KCMF1: variants seen among roughly 807,000 people sequenced by gnomAD.
KCMF1 encodes the protein potassium channel modulatory factor 1.
A neutral mutation model predicts 41.1 loss-of-function variants in KCMF1; 3 were observed. That is an observed-to-expected ratio of 0.07 (90% CI 0.03 to 0.19). KCMF1 has a LOEUF of 0.19. Ranked by LOEUF, KCMF1 falls within the 10% of genes least tolerant of loss-of-function variation. The pLI, the probability that KCMF1 is intolerant of heterozygous loss-of-function variation, is 1.00. For missense variants in KCMF1, 286 were observed against 488.9 expected (o/e 0.58, Z 3.91); for synonymous variants, 142 against 164.5 (o/e 0.86, Z 1.04).
chr2:85,041,761 CTTTT>C (rs76025789), intron 3 of KCMF1, among the ~76,000 whole-genome samples: 1 of 91,952 alleles, frequency 1.1e-5, no homozygotes, highest in Non-Finnish European at 2.3e-5. Context: ...CATTGCTGGT[CTTTT>C]TTTTTTTTTT....
At chr2:84,994,109 G>A (rs1328477409) in intron 1 of KCMF1, among the ~76,000 whole-genome samples, 5 of 151,620 alleles carry the variant, frequency 3.3e-5, no homozygotes, top group East Asian at 3.9e-4. Flanking sequence ...CACCATGCCC[G>A]GCTAATTTTT....
chr2:85,044,523 C>T (rs1373617720), intron 4 of KCMF1, among the ~76,000 whole-genome samples: 1 of 151,972 alleles, frequency 6.6e-6, no homozygotes, highest in Non-Finnish European at 1.5e-5. Flanking sequence ...TTACAGGTGC[C>T]CGCCACCACA....
chr2:85,037,059 C>T (rs2104044183), intron 3 of KCMF1, among the ~76,000 whole-genome samples: 1 of 137,426 alleles, frequency 7.3e-6, no homozygotes, highest in East Asian at 2.5e-4. Flanking sequence ...ATACCTGATA[C>T]ACAGTTTGAA....
At chr2:85,028,155 TA>T (rs1675158531) in intron 2 of KCMF1, 99 bp downstream of exon 2, 2 of 689,354 alleles carry the variant, frequency 2.9e-6, no homozygotes, top group African/African-American at 1.8e-5. Flanking sequence ...CAGCATACCA[TA>T]AGCCCCAAAT....
At chr2:85,003,655 T>C (rs1209264170) in intron 1 of KCMF1, among the ~76,000 whole-genome samples, 3 of 152,140 alleles carry the variant, frequency 2.0e-5, no homozygotes, top group South Asian at 4.1e-4. Context: ...GGTCTCCCGA[T>C]GTTACCCAGG....
At chr2:84,995,542 T>C (rs1674157994) in intron 1 of KCMF1, among the ~76,000 whole-genome samples, 1 of 152,226 alleles carries the variant, frequency 6.6e-6, no homozygotes, top group African/African-American at 2.4e-5. Flanking sequence ...TGTTCCTTTA[T>C]TGTCTGTCAC....
intron 1 of KCMF1, 94 bp from the exon 2 acceptor site, chr2:85,027,795 A>G: frequency 1.4e-6 from 1 of 715,460 alleles, no homozygotes; most frequent in Non-Finnish European, 2.3e-6. Context: ...TGGAAAGGAC[A>G]TATGAGGTTA....
intron 1 of KCMF1, among the ~76,000 whole-genome samples, chr2:84,982,430 TCTTA>T (rs1403469134): frequency 1.6e-5 from 2 of 127,702 alleles, no homozygotes; most frequent in African/African-American, 5.8e-5. Flanking sequence ...TTTGAGCCAG[TCTTA>T]CTTGTCGCCC....
chr2:85,037,122 G>C (rs1304072374), intron 3 of KCMF1, among the ~76,000 whole-genome samples: 1 of 151,720 alleles, frequency 6.6e-6, no homozygotes, highest in Admixed American at 6.6e-5. Flanking sequence ...CTTGTGAGTT[G>C]TGTTTATGCC....
In KCMF1 at chr2:85,053,143, C is replaced by A. The variant is rs1440463080; in HGVS notation, c.885-5C>A. 1 of 1,609,872 alleles carries A rather than the reference C, an allele frequency of 6.2e-7. No individual in the cohort carries two copies. The highest frequency in any genetic ancestry group is 8.5e-7 in the Non-Finnish European group (1 of 1,178,202). Reference sequence around the variant, plus strand: ...AATAAGGTCTTTTCTTTTTAACTTACACAGGTTGAATGATCCTAAAATGTC... The same window carrying A: ...AATAAGGTCTTTTCTTTTTAACTTAAACAGGTTGAATGATCCTAAAATGTC... On this transcript the variant is annotated splice_region_variant and splice_polypyrimidine_tract_variant and intron_variant, in intron 6 of 6. Transcript: ENST00000409785.
chr2:85,004,008 G>T (rs1674403491), intron 1 of KCMF1, among the ~76,000 whole-genome samples: 1 of 152,120 alleles, frequency 6.6e-6, no homozygotes, highest in Non-Finnish European at 1.5e-5. Context: ...TTATTCATCT[G>T]ATAACCAGCT....
At chr2:84,979,798 A>C (rs1355756138) in intron 1 of KCMF1, among the ~76,000 whole-genome samples, 1 of 152,122 alleles carries the variant, frequency 6.6e-6, no homozygotes, top group Admixed American at 6.6e-5. Flanking sequence ...TAAGCAGTAT[A>C]CAGATCAGAG....
chr2:84,999,803 C>G (rs1674283561), intron 1 of KCMF1, among the ~76,000 whole-genome samples: 1 of 152,138 alleles, frequency 6.6e-6, no homozygotes. Flanking sequence ...CACATAGTCA[C>G]TAGTGAGTTT....
chr2:84,990,488 T>G (rs1419978069), intron 1 of KCMF1, among the ~76,000 whole-genome samples: 1 of 151,788 alleles, frequency 6.6e-6, no homozygotes, highest in Non-Finnish European at 1.5e-5. Context: ...TTTTGGAAGG[T>G]GATAAATATT....
At chr2:85,017,647 A>T (rs922923615) in intron 1 of KCMF1, among the ~76,000 whole-genome samples, 1 of 151,552 alleles carries the variant, frequency 6.6e-6, no homozygotes, top group South Asian at 2.1e-4. Context: ...CAGGCCTTCA[A>T]ATTCCAAATG....
At chr2:84,996,977 CCTGTACAGTATGTTA>C (rs1674192644) in intron 1 of KCMF1, among the ~76,000 whole-genome samples, 1 of 152,060 alleles carries the variant, frequency 6.6e-6, no homozygotes. Flanking sequence ...AGGCTACAAA[CCTGTACAGTATGTTA>C]CTGTACTGAA....
intron 1 of KCMF1, among the ~76,000 whole-genome samples, chr2:84,993,196 AAAAAG>A (rs1437868505): frequency 6.6e-6 from 1 of 152,016 alleles, no homozygotes; most frequent in East Asian, 1.9e-4. Flanking sequence ...CAGAAAAAAA[AAAAAG>A]AAAAGAAACA....
intron 1 of KCMF1, among the ~76,000 whole-genome samples, chr2:85,007,181 T>C (rs1372796091): frequency 6.6e-6 from 1 of 150,934 alleles, no homozygotes; most frequent in Non-Finnish European, 1.5e-5. Context: ...GTTTTGATAA[T>C]CCTCTTCCCT....
At chr2:85,039,092 T>A (rs1006944188) in intron 3 of KCMF1, among the ~76,000 whole-genome samples, 1 of 152,206 alleles carries the variant, frequency 6.6e-6, no homozygotes, top group South Asian at 2.1e-4. Flanking sequence ...ACTATGCTCA[T>A]TTCTTGATAA....
Sources: gnomAD v4.1 joint callset for allele counts (sites outside exome capture counted in the v4.1 genomes callset) on GRCh38, gnomAD v4.1.1 for gene constraint, MANE v1.5 for transcripts, NCBI Gene and HGNC (gene_info 2026-07-23, HGNC 2026-07-21) for gene names.